The following RPN1 variants were observed in gnomAD, a reference collection of about 807,000 sequenced individuals.
RPN1 encodes the protein ribophorin I.
A neutral mutation model predicts 55.5 loss-of-function variants in RPN1; 12 were observed. The observed-to-expected ratio is 0.22, with a 90% confidence interval of 0.14 to 0.35. The LOEUF (loss-of-function observed/expected upper bound fraction) is 0.35, where lower values mean the gene tolerates loss of function less well. Ranked by LOEUF, RPN1 falls within the 10% of genes least tolerant of loss-of-function variation. RPN1 has a pLI of 1.00. For missense variants in RPN1, 679 were observed against 761.3 expected (o/e 0.89, Z 1.27); for synonymous variants, 317 against 305.9 (o/e 1.04, Z -0.38).
intron 2 of RPN1, chr3:128,644,582 C>A (rs147371529): frequency 3.7e-4 from 183 of 494,430 alleles, no homozygotes; most frequent in African/African-American, 3.3e-3. Flanking sequence ...ACGGTTTGAG[C>A]CCTGGAGGTG....
At chr3:128,630,917 T>A (rs913626338) in intron 4 of RPN1, among the ~76,000 whole-genome samples, 2 of 142,158 alleles carry the variant, frequency 1.4e-5, no homozygotes, top group African/African-American at 5.3e-5. Flanking sequence ...ATCGAGACCA[T>A]CCTGGCTAAC....
intron 9 of RPN1, among the ~76,000 whole-genome samples, chr3:128,621,240 G>A (rs895572197): frequency 1.3e-5 from 2 of 152,148 alleles, no homozygotes; most frequent in African/African-American, 4.8e-5. Flanking sequence ...GGCCAGACAC[G>A]GTGGCTCACA....
At chr3:128,639,386 G>A (rs180700289) in intron 2 of RPN1, among the ~76,000 whole-genome samples, 284 of 151,016 alleles carry the variant, frequency 1.9e-3, no homozygotes, top group Non-Finnish European at 2.5e-3. Context: ...CCCGGAAGGC[G>A]GAGCTTGCAG....
At chr3:128,640,321 G>T (rs1230076260) in intron 2 of RPN1, among the ~76,000 whole-genome samples, 1 of 152,152 alleles carries the variant, frequency 6.6e-6, no homozygotes, top group African/African-American at 2.4e-5. Flanking sequence ...AAGCTTCAAT[G>T]AGTTTGTCCT....
At chr3:128,638,889 C>A (rs1252875015) in intron 2 of RPN1, among the ~76,000 whole-genome samples, 1 of 151,932 alleles carries the variant, frequency 6.6e-6, no homozygotes, top group Non-Finnish European at 1.5e-5. Flanking sequence ...TCACTTGAAC[C>A]CGGGAGGCGG....
chr3:128,628,428 T>C (rs796914398), intron 5 of RPN1, among the ~76,000 whole-genome samples: 1,092 of 121,226 alleles, frequency 9.0e-3, no homozygotes, highest in Middle Eastern at 0.017. Context: ...TGCTTTAACA[T>C]AAATGCAAAG....
intron 2 of RPN1, among the ~76,000 whole-genome samples, chr3:128,641,851 T>C (rs560810225): frequency 1.3e-5 from 2 of 152,106 alleles, no homozygotes; most frequent in Admixed American, 6.6e-5. Context: ...CCTCAGGTGA[T>C]CTGCCTGCCT....
chr3:128,624,042 G>GC (rs932675505), intron 8 of RPN1, among the ~76,000 whole-genome samples: 12 of 148,452 alleles, frequency 8.1e-5, no homozygotes, highest in African/African-American at 2.5e-4. Context: ...TCGAGCCCCC[G>GC]CCCCCCCGCA....
intron 8 of RPN1, among the ~76,000 whole-genome samples, chr3:128,624,136 G>T (rs1380097823): frequency 6.6e-6 from 1 of 151,984 alleles, no homozygotes; most frequent in African/African-American, 2.4e-5. Context: ...CCACATATTT[G>T]GTTTCAGTTC....
intron 2 of RPN1, among the ~76,000 whole-genome samples, chr3:128,640,541 A>C (rs2069717376): frequency 6.6e-6 from 1 of 152,188 alleles, no homozygotes; most frequent in African/African-American, 2.4e-5. Context: ...CTCTGTCCTG[A>C]ATTCTAAAAT....
intron 4 of RPN1, among the ~76,000 whole-genome samples, chr3:128,631,720 TG>T (rs2069643254): frequency 6.6e-6 from 1 of 152,084 alleles, no homozygotes; most frequent in Admixed American, 6.6e-5. Context: ...CCAGCCTGGG[TG>T]GCAGAGTGAG....
chr3:128,640,263 A>G (rs567181231), intron 2 of RPN1, among the ~76,000 whole-genome samples: 1 of 152,208 alleles, frequency 6.6e-6, no homozygotes, highest in African/African-American at 2.4e-5. Flanking sequence ...AAGCCAGGAG[A>G]ACAATTTTTA....
chr3:128,633,969 C>A (rs868847865), intron 3 of RPN1, among the ~76,000 whole-genome samples: 1 of 149,760 alleles, frequency 6.7e-6, no homozygotes, highest in African/African-American at 2.5e-5. Context: ...GGCAACAGAG[C>A]GAGACTGTCT....
At chr3:128,636,297 C>CA (rs901469428) in intron 3 of RPN1, among the ~76,000 whole-genome samples, 8 of 151,938 alleles carry the variant, frequency 5.3e-5, no homozygotes, top group African/African-American at 7.2e-5. Flanking sequence ...CCCGTCTCTA[C>CA]AAAAAATACA....
At chr3:128,626,986 A>C (rs2069604015) in intron 5 of RPN1, 154 bp from the exon 6 acceptor site, 1 of 650,842 alleles carries the variant, frequency 1.5e-6, no homozygotes, top group African/African-American at 1.8e-5. Flanking sequence ...GCAACAAAGT[A>C]TCTCTACTGA....
chr3:128,638,698 G>T (rs1290544898), intron 2 of RPN1, among the ~76,000 whole-genome samples: 2 of 152,190 alleles, frequency 1.3e-5, no homozygotes, highest in Non-Finnish European at 2.9e-5. Flanking sequence ...GGGTGCAGTG[G>T]CTCATGCCTG....
rs2069712059 is a variant in RPN1 at position 128,639,842 on chromosome 3, C to G, written c.327-1737G>C. 2.0e-5 allele frequency among the ~76,000 whole-genome samples: 3 copies of G among 152,270 alleles called. No individual in the cohort carries two copies. The South Asian group carries it at 6.2e-4, about 32-fold the overall frequency. On this transcript the variant is annotated intron_variant, in intron 2 of 9. Coordinates refer to ENST00000296255, the MANE Select transcript of RPN1 (RefSeq NM_002950.4). ...CCTCAGGTGATACACCCGCCTCGGGCTCCCAAAGTGCTGGGATTACAGGCA... is the reference window on the plus strand; with the variant it reads ...CCTCAGGTGATACACCCGCCTCGGGGTCCCAAAGTGCTGGGATTACAGGCA...
intron 1 of RPN1, among the ~76,000 whole-genome samples, chr3:128,649,353 C>A (rs62270805): frequency 0.017 from 2,638 of 152,304 alleles, 44 homozygotes; most frequent in Admixed American, 0.026. Flanking sequence ...TCACAACTGG[C>A]TTCTATAAAG....
rs1034840007 is a variant in RPN1 at position 128,629,591 on chromosome 3, G to A, written c.1036+360C>T. 4.6e-5 allele frequency among the ~76,000 whole-genome samples: 7 copies of A among 152,180 alleles called. No individual in the cohort carries two copies. In the East Asian group the frequency reaches 1.3e-3, roughly 29 times the overall value. On this transcript the variant is annotated intron_variant, in intron 5 of 9. Coordinates refer to ENST00000296255, the MANE Select transcript of RPN1 (RefSeq NM_002950.4). The stretch of plus-strand genomic sequence containing the variant: ...AAAAGAAAGACTTGAAAGAAAATAT[G>A]ACAAAATGTTTTCAATCATTAGTTC...
Sources: gnomAD v4.1 joint callset for allele counts (sites outside exome capture counted in the v4.1 genomes callset) on GRCh38, gnomAD v4.1.1 for gene constraint, MANE v1.5 for transcripts, NCBI Gene and HGNC (gene_info 2026-07-23, HGNC 2026-07-21) for gene names.